The following RAI1 variants were observed in gnomAD, a reference collection of about 807,000 sequenced individuals.
RAI1 encodes the protein retinoic acid induced 1, also known as retinoic acid-induced protein 1.
Under a neutral mutation model 123.8 loss-of-function variants are expected in RAI1, and 9 were observed. That is an observed-to-expected ratio of 0.07 (90% CI 0.04 to 0.13). RAI1 has a LOEUF of 0.13. RAI1 is among the 10% of genes least tolerant of loss of function. RAI1 has a pLI of 1.00. For missense variants in RAI1, 2,256 were observed against 2,545.8 expected, an observed-to-expected ratio of 0.89 and a Z score of 2.45; for synonymous variants, 1,231 against 1,127.3, an observed-to-expected ratio of 1.09 and a Z score of -1.84.
intron 1 of RAI1, among the ~76,000 whole-genome samples, chr17:17,721,278 A>G (rs1915872360): frequency 6.6e-6 from 1 of 152,212 alleles, no homozygotes; most frequent in South Asian, 2.1e-4. Context: ...TGTTCCATGC[A>G]TTCACTCACT....
Position 17,798,503 on chromosome 17 carries a change from CCGTGGA to C in RAI1, c.5557_5562del (p.Val1853_Asp1854del). ...GGGCTGCAGGAGGCCATGAAGGTGG[CCGTGGA>C]CATGGTAAGAGGCCAGCCCAGCCAG... is the stretch of plus-strand genomic sequence containing the variant. On this transcript the variant is annotated inframe_deletion, in exon 3 of 6. Coordinates refer to ENST00000353383, the MANE Select transcript of RAI1 (RefSeq NM_030665.4). 1 of 1,600,902 alleles carries C rather than the reference CCGTGGA, an allele frequency of 6.2e-7. No homozygotes were observed. The highest frequency in any genetic ancestry group is 8.5e-7 in the Non-Finnish European group (1 of 1,179,824).
At chr17:17,758,396 G>T (rs1268627113) in intron 2 of RAI1, among the ~76,000 whole-genome samples, 1 of 152,218 alleles carries the variant, frequency 6.6e-6, no homozygotes, top group Non-Finnish European at 1.5e-5. Flanking sequence ...GTGAAGACAA[G>T]GGGCCCTGAA....
chr17:17,746,435 G>A (rs2029925632), intron 2 of RAI1, among the ~76,000 whole-genome samples: 1 of 152,138 alleles, frequency 6.6e-6, no homozygotes, highest in Admixed American at 6.5e-5. Context: ...CCTGGGCTGA[G>A]CCCAGAGCCC....
intron 1 of RAI1, among the ~76,000 whole-genome samples, chr17:17,712,065 C>T (rs567291326): frequency 6.6e-6 from 1 of 152,362 alleles, no homozygotes; most frequent in African/African-American, 2.4e-5. Flanking sequence ...TTAAACCACA[C>T]ATGTCCGCAG....
chr17:17,686,608 T>TGTGTGTGTGTGCGCGC (rs1491248703), intron 1 of RAI1, among the ~76,000 whole-genome samples: 1 of 137,762 alleles, frequency 7.3e-6, no homozygotes, highest in Non-Finnish European at 1.6e-5. Flanking sequence ...TGTGTGTGTG[T>TGTGTGTGTGTGCGCGC]GCACGCGCGC....
chr17:17,742,576 A>C (rs1286447247), intron 2 of RAI1, among the ~76,000 whole-genome samples: 2 of 152,204 alleles, frequency 1.3e-5, no homozygotes, highest in Non-Finnish European at 2.9e-5. Flanking sequence ...ACTTTGCCAA[A>C]AATAATATCC....
At chr17:17,757,185 G>A (rs558669489) in intron 2 of RAI1, among the ~76,000 whole-genome samples, 1 of 152,334 alleles carries the variant, frequency 6.6e-6, no homozygotes, top group East Asian at 1.9e-4. Context: ...CAGTTTATAA[G>A]TGGGGACAGC....
intron 1 of RAI1, chr17:17,682,489 G>A (rs1281871516): frequency 3.3e-5 from 5 of 152,144 alleles, no homozygotes; most frequent in African/African-American, 9.6e-5. Flanking sequence ...GGACACGCGA[G>A]CCTTGCGCCC....
At position 17,803,860 on chromosome 17, in the gene RAI1, G is replaced by T. The variant is rs201599736; in HGVS notation, c.5659+11G>T. On this transcript the variant is annotated intron_variant, in intron 4 of 5. Coordinates refer to ENST00000353383, the MANE Select transcript of RAI1 (RefSeq NM_030665.4). ...GTGCCAGCGATGCAGGTACGAGCCC[G>T]CCCAGGAACAGGAGGGCATTGGAGC... 1.2e-6 allele frequency: 2 copies of T among 1,611,144 alleles called. No homozygotes were observed. Among genetic ancestry groups the T allele is most frequent in the Non-Finnish European group, 1.7e-6 (2 of 1,178,026 alleles).
At chr17:17,691,264 T>C (rs1914828771) in intron 1 of RAI1, among the ~76,000 whole-genome samples, 1 of 152,072 alleles carries the variant, frequency 6.6e-6, no homozygotes, top group Admixed American at 6.6e-5. Context: ...TGGATGCTGC[T>C]AAACATCCTA....
rs530411834 is a variant in RAI1 at position 17,793,142 on chromosome 17, C to T, written c.194C>T (p.Thr65Met). 1.2e-5 allele frequency: 20 copies of T among 1,613,736 alleles called. No homozygotes were observed. Among genetic ancestry groups the T allele is most frequent in the African/African-American group, 1.2e-4 (9 of 75,062 alleles). ...PYPSYEGGAG[T>M]PSGTAAAVAA... Reference sequence around the variant, plus strand: ...CCGAGCTATGAGGGTGGCGCTGGCACGCCCTCTGGCACTGCAGCCGCGGTG... The same window carrying T: ...CCGAGCTATGAGGGTGGCGCTGGCATGCCCTCTGGCACTGCAGCCGCGGTG... The change falls in exon 3 of 6, where the codon ACG becomes ATG. Residue 65 changes from threonine (T) to methionine (M), a missense_variant. By Grantham distance (81) the Thr-to-Met change is moderately conservative. Transcript: ENST00000353383.
intron 2 of RAI1, among the ~76,000 whole-genome samples, chr17:17,774,463 G>A (rs942925175): frequency 2.6e-5 from 4 of 152,266 alleles, no homozygotes; most frequent in South Asian, 2.1e-4. Context: ...CCTCCGGCCC[G>A]TCAGCCAAGT....
Position 17,797,803 on chromosome 17 carries a change from G to A in RAI1, c.4855G>A (p.Asp1619Asn). 1.9e-6 allele frequency: 3 copies of A among 1,614,062 alleles called. No homozygotes were observed. Among genetic ancestry groups the A allele is most frequent in the Non-Finnish European group, 2.5e-6 (3 of 1,180,028 alleles). The change falls in exon 3 of 6, where the codon GAT becomes AAT. Residue 1619 changes from aspartate to asparagine, a missense_variant. Transcript: ENST00000353383. ...ATGCACTGTTGTCAACTCCCCTGGA[G>A]ATGCGCCCAAGCCCCACAGGAAGCC... ...TICTVVNSPGDAPKPHRKPSS... is the reference protein window; with the variant it reads ...TICTVVNSPGNAPKPHRKPSS...
chr17:17,793,074 G>T lies in RAI1; in HGVS notation c.126G>T (p.Arg42=). 1 of 1,613,720 alleles carries T rather than the reference G, an allele frequency of 6.2e-7. No individual in the cohort carries two copies. The change falls in exon 3 of 6, where the codon CGG becomes CGT. Residue 42 remains arginine, a synonymous_variant. Transcript: ENST00000353383. ...GTCAGGCCGGGCTAAGCTGCGACCG[G>T]CAGCGGCTGCTCGCCAAGGACTATT... ...QPSQAGLSCD[R]QRLLAKDYYN... is the part of the protein sequence containing the mutation.
chr17:17,769,988 G>A (rs934540220), intron 2 of RAI1, among the ~76,000 whole-genome samples: 11 of 152,324 alleles, frequency 7.2e-5, no homozygotes, highest in African/African-American at 1.9e-4. Context: ...ACGGCAGGGC[G>A]GGTGAGCGGG....
chr17:17,689,042 GC>G (rs1464541081), intron 1 of RAI1, among the ~76,000 whole-genome samples: 1 of 149,844 alleles, frequency 6.7e-6, no homozygotes, highest in Admixed American at 6.6e-5. Context: ...TGCAACCTCT[GC>G]CCCCTGGGTT....
At chr17:17,750,689 CAA>C (rs57637022) in intron 2 of RAI1, among the ~76,000 whole-genome samples, 5,852 of 79,710 alleles carry the variant, frequency 0.073, 61 homozygotes, top group African/African-American at 0.12. Context: ...TACTCCGTCT[CAA>C]AAAAAAAAAA....
intron 2 of RAI1, among the ~76,000 whole-genome samples, chr17:17,728,016 G>C (rs914769046): frequency 4.6e-5 from 7 of 151,986 alleles, no homozygotes; most frequent in African/African-American, 1.7e-4. Context: ...GTGCCTTCCA[G>C]CTTGGGCATG....
chr17:17,729,305 G>A (rs1802210001), intron 2 of RAI1, among the ~76,000 whole-genome samples: 1 of 152,236 alleles, frequency 6.6e-6, no homozygotes, highest in Non-Finnish European at 1.5e-5. Flanking sequence ...GTAGAAAAGA[G>A]TAGTGGTAAC....
Sources: gnomAD v4.1 joint callset for allele counts (sites outside exome capture counted in the v4.1 genomes callset) on GRCh38, gnomAD v4.1.1 for gene constraint, MANE v1.5 for transcripts, NCBI Gene and HGNC (gene_info 2026-07-23, HGNC 2026-07-21) for gene names.